The following MCF2 variants were observed in gnomAD, a reference collection of about 807,000 sequenced individuals.
MCF2 encodes proto-oncogene DBL.
A neutral mutation model predicts 82.5 loss-of-function variants in MCF2; 44 were observed. That is an observed-to-expected ratio of 0.53 (90% CI 0.42 to 0.69). MCF2 has a LOEUF of 0.69. Ranked by LOEUF, MCF2 falls within the 30% of genes least tolerant of loss-of-function variation. The pLI is 0.00. For synonymous variants in MCF2, 217 were observed against 224.9 expected (o/e 0.96, Z 0.32); for missense variants, 623 against 663.1 (o/e 0.94, Z 0.66).
intron 1 of MCF2, among the ~76,000 whole-genome samples, chrX:139,639,618 C>A: frequency 9.0e-6 from 1 of 111,599 alleles, no homozygotes; most frequent in South Asian, 3.8e-4. Context: ...GATCTTACAG[C>A]AGTAACAACA....
At chrX:139,674,362 T>C (rs141740173) in intron 1 of MCF2, among the ~76,000 whole-genome samples, 2,573 of 111,741 alleles carry the variant, frequency 0.023, 36 homozygotes, top group Middle Eastern at 0.046. Flanking sequence ...GATCCTGTCA[T>C]TATGATGTTA....
intron 5 of MCF2, 69 bp from the exon 9 acceptor site, chrX:139,626,376 G>T: frequency 1.5e-6 from 1 of 673,927 alleles, no homozygotes; most frequent in African/African-American, 2.2e-5. Flanking sequence ...AGATAAGTGT[G>T]GTCTGGACAT....
intron 16 of MCF2, among the ~76,000 whole-genome samples, chrX:139,601,605 T>G (rs1006976940): frequency 1.7e-4 from 19 of 111,392 alleles, no homozygotes; most frequent in African/African-American, 6.2e-4. Context: ...TACTGGAGGA[T>G]GTGTTCCACC....
At chrX:139,597,311 T>C (rs1331270256) in intron 18 of MCF2, 149 bp downstream of exon 22, 4 of 467,941 alleles carry the variant, frequency 8.5e-6, no homozygotes, top group Non-Finnish European at 1.5e-5. Context: ...AAGCCAATTC[T>C]CCACTTAGCA....
chrX:139,655,468 G>A (rs1054078426), intron 1 of MCF2, among the ~76,000 whole-genome samples: 2 of 111,502 alleles, frequency 1.8e-5, no homozygotes, highest in Admixed American at 1.9e-4. Flanking sequence ...ACTTTTGTAC[G>A]TTGATTTCGT....
chrX:139,621,229 T>A (rs1221554301), intron 6 of MCF2, among the ~76,000 whole-genome samples: 2 of 111,579 alleles, frequency 1.8e-5, no homozygotes, highest in Non-Finnish European at 3.8e-5. Context: ...ATGCAAGACC[T>A]CAATATACAA....
rs774228972 is a variant in MCF2 at position 139,624,226 on chromosome X, G to GA, written c.687+1966dup. 2.1e-4 allele frequency among the ~76,000 whole-genome samples: 23 copies of GA among 111,239 alleles called. No homozygotes were observed. In the Admixed American group the frequency reaches 2.2e-3, roughly 11 times the overall value. On this transcript the variant is annotated intron_variant, in intron 6 of 24. Transcript: ENST00000370576. ...AGATGTCCAACAAACTCCAAATGAA[G>GA]AAAAATGCATTTCAAAAGGGACTAT...
chrX:139,641,237 G>A (rs949016630), intron 1 of MCF2, among the ~76,000 whole-genome samples: 27 of 107,923 alleles, frequency 2.5e-4, no homozygotes, highest in Non-Finnish European at 7.6e-5. Flanking sequence ...GAAAGCTTAA[G>A]TTAACCTTTG....
At chrX:139,589,107 A>G (rs778728191) in intron 20 of MCF2, among the ~76,000 whole-genome samples, 1 of 111,729 alleles carries the variant, frequency 9.0e-6, no homozygotes, top group Non-Finnish European at 1.9e-5. Context: ...TGAAAAGGCC[A>G]TCTATTGCAG....
intron 15 of MCF2, among the ~76,000 whole-genome samples, chrX:139,604,256 A>G (rs1358487239): frequency 9.1e-6 from 1 of 110,471 alleles, no homozygotes; most frequent in Non-Finnish European, 1.9e-5. Flanking sequence ...ACTAGATCCA[A>G]TTCTAAAACT....
rs1394898478 is a variant in MCF2, at chrX:139,614,329, T to C, written c.1363+552A>G. On this transcript the variant is annotated intron_variant, in intron 10 of 24. Coordinates refer to ENST00000370576, the Ensembl canonical transcript of MCF2. ...ATTATTCTATTTAACAGCATTTATTTAGAAAAGGCAATCCATTTTATTATC... is the reference window on the plus strand; with the variant it reads ...ATTATTCTATTTAACAGCATTTATTCAGAAAAGGCAATCCATTTTATTATC... Among the ~76,000 whole-genome samples, 3 of 112,061 alleles carry C rather than the reference T, an allele frequency of 2.7e-5. No homozygotes were observed. The East Asian group carries it at 8.4e-4, about 31-fold the overall frequency.
chrX:139,621,783 A>C (rs1415219614), intron 6 of MCF2, among the ~76,000 whole-genome samples: 1 of 111,790 alleles, frequency 8.9e-6, no homozygotes, highest in Non-Finnish European at 1.9e-5. Context: ...ACCCTAGAAG[A>C]AAACCTAGGC....
intron 1 of MCF2, among the ~76,000 whole-genome samples, chrX:139,695,359 G>A (rs1838957464): frequency 8.9e-6 from 1 of 111,849 alleles, no homozygotes; most frequent in Non-Finnish European, 1.9e-5. Flanking sequence ...AGCTGCTTAT[G>A]AATCTAGAAT....
At chrX:139,607,137 A>T (rs1476302456) in intron 12 of MCF2, 1 of 110,351 alleles carries the variant, frequency 9.1e-6, no homozygotes, top group East Asian at 2.9e-4. Context: ...ATAGATCTTA[A>T]CTGTTCTCAC....
chrX:139,644,182 G>T (rs961086499), upstream of MCF2, among the ~76,000 whole-genome samples: 1 of 112,111 alleles, frequency 8.9e-6, no homozygotes, highest in African/African-American at 3.2e-5. Flanking sequence ...TTGTCTATTT[G>T]TAAGCCAATT....
intron 2 of MCF2, among the ~76,000 whole-genome samples, chrX:139,651,056 T>A (rs1390214498): frequency 9.1e-6 from 1 of 110,429 alleles, no homozygotes; most frequent in Non-Finnish European, 1.9e-5. Context: ...GGAGTAATTG[T>A]TTAATGGATA....
chrX:139,630,197 A>G (rs1208059646), intron 3 of MCF2, among the ~76,000 whole-genome samples: 1 of 111,986 alleles, frequency 8.9e-6, no homozygotes, highest in East Asian at 2.8e-4. Context: ...AAACTCTCCA[A>G]TTGGCAAAAT....
intron 1 of MCF2, among the ~76,000 whole-genome samples, chrX:139,663,303 T>C (rs1292572239): frequency 8.9e-6 from 1 of 112,423 alleles, no homozygotes; most frequent in Non-Finnish European, 1.9e-5. Flanking sequence ...TAAATACTTG[T>C]TTTGTGGCAT....
chrX:139,696,338 TC>T (rs1935381220), intron 1 of MCF2, among the ~76,000 whole-genome samples: 1 of 88,885 alleles, frequency 1.1e-5, no homozygotes, highest in African/African-American at 4.9e-5. Context: ...TCCTTCTTTC[TC>T]TTCTCTCCTC....
Sources: gnomAD v4.1 joint callset for allele counts (sites outside exome capture counted in the v4.1 genomes callset) on GRCh38, gnomAD v4.1.1 for gene constraint, MANE v1.5 for transcripts, NCBI Gene and HGNC (gene_info 2026-07-23, HGNC 2026-07-21) for gene names.